The following SLC7A8 variants were observed in gnomAD, a reference collection of about 807,000 sequenced individuals.
SLC7A8 encodes large neutral amino acids transporter small subunit 2.
SLC7A8 carries 30 observed loss-of-function variants against 51.2 expected under a neutral mutation model. The observed-to-expected ratio is 0.59, with a 90% CI of 0.44 to 0.80. The LOEUF (loss-of-function observed/expected upper bound fraction) is 0.80, where lower values mean the gene tolerates loss of function less well. Ranked by LOEUF, SLC7A8 falls within the 30% of genes least tolerant of loss-of-function variation. The pLI is 0.00. For missense variants in SLC7A8, 612 were observed against 674.4 expected (o/e 0.91, Z 1.03); for synonymous variants, 257 against 275.8 (o/e 0.93, Z 0.67).
At chr14:23,181,316 AAG>A (rs1164620081) in intron 1 of SLC7A8, among the ~76,000 whole-genome samples, 2 of 152,192 alleles carry the variant, frequency 1.3e-5, no homozygotes, top group African/African-American at 2.4e-5. Context: ...AGAAAAAGTA[AAG>A]AGAGATTCAG....
At chr14:23,129,103 T>C (rs1566353846) in intron 9 of SLC7A8, among the ~76,000 whole-genome samples, 1 of 152,224 alleles carries the variant, frequency 6.6e-6, no homozygotes. Context: ...GAGTTATATC[T>C]TGTAGCAATA....
intron 8 of SLC7A8, 24 bp downstream of exon 8, chr14:23,131,437 A>G (rs903992343): frequency 1.3e-6 from 2 of 1,539,314 alleles, no homozygotes; most frequent in Non-Finnish European, 8.8e-7. Flanking sequence ...GTGTGTGGAG[A>G]GTTACAGCAG....
intron 3 of SLC7A8, among the ~76,000 whole-genome samples, chr14:23,153,398 C>T (rs1003427311): frequency 6.6e-6 from 1 of 152,188 alleles, no homozygotes; most frequent in African/African-American, 2.4e-5. Context: ...CTTCATTATA[C>T]ACAGATCACT....
chr14:23,145,230 TA>T (rs1389058602), intron 3 of SLC7A8, among the ~76,000 whole-genome samples: 2 of 150,928 alleles, frequency 1.3e-5, no homozygotes, highest in East Asian at 2.0e-4. Flanking sequence ...TTCTTTGTAT[TA>T]AAATGACCTG....
chr14:23,162,005 T>C (rs897709426), intron 3 of SLC7A8, among the ~76,000 whole-genome samples: 2 of 147,430 alleles, frequency 1.4e-5, no homozygotes, highest in African/African-American at 5.1e-5. Context: ...TATGAGAGGA[T>C]TGGATGCTTA....
chr14:23,134,530 G>T (rs1430382342), intron 7 of SLC7A8, among the ~76,000 whole-genome samples: 4 of 144,812 alleles, frequency 2.8e-5, no homozygotes, highest in Non-Finnish European at 6.1e-5. Flanking sequence ...TCAGAATAAA[G>T]ATTTTTTAAC....
At chr14:23,148,637 C>G (rs1323112842) in intron 3 of SLC7A8, among the ~76,000 whole-genome samples, 1 of 152,196 alleles carries the variant, frequency 6.6e-6, no homozygotes, top group African/African-American at 2.4e-5. Flanking sequence ...TATAAAAAGA[C>G]ATGTGATCAT....
At chr14:23,143,348 AC>A in intron 3 of SLC7A8, 144 bp from the exon 4 acceptor site, 1 of 1,159,008 alleles carries the variant, frequency 8.6e-7, no homozygotes, top group Non-Finnish European at 1.2e-6. Context: ...AACCCCAGGG[AC>A]CAGAGACTTT....
At chr14:23,167,695 C>T (rs2140336207) in intron 1 of SLC7A8, among the ~76,000 whole-genome samples, 1 of 152,260 alleles carries the variant, frequency 6.6e-6, no homozygotes, top group African/African-American at 2.4e-5. Flanking sequence ...AGTGCTGCTT[C>T]ATGCTCTGCC....
At chr14:23,149,835 TTC>T (rs578104528) in intron 3 of SLC7A8, among the ~76,000 whole-genome samples, 144 of 152,366 alleles carry the variant, frequency 9.5e-4, no homozygotes, top group Non-Finnish European at 1.7e-3. Context: ...ACTGTATCTT[TTC>T]TCTGTTTAGA....
chr14:23,158,127 G>C (rs1472165618), intron 3 of SLC7A8, among the ~76,000 whole-genome samples: 1 of 152,168 alleles, frequency 6.6e-6, no homozygotes, highest in Non-Finnish European at 1.5e-5. Context: ...GTTTATTGTT[G>C]TCTCCCCCGT....
At chr14:23,166,906 G>A (rs978288319) in intron 1 of SLC7A8, among the ~76,000 whole-genome samples, 1 of 152,118 alleles carries the variant, frequency 6.6e-6, no homozygotes, top group Non-Finnish European at 1.5e-5. Flanking sequence ...TGAATCTCAG[G>A]ACCCTCCAGC....
At chr14:23,157,446 T>C (rs1371596628) in intron 3 of SLC7A8, among the ~76,000 whole-genome samples, 1 of 152,244 alleles carries the variant, frequency 6.6e-6, no homozygotes, top group East Asian at 1.9e-4. Flanking sequence ...AATACAGATA[T>C]GATCATGTCG....
At chr14:23,152,645 G>A (rs1480994606) in intron 3 of SLC7A8, among the ~76,000 whole-genome samples, 1 of 152,100 alleles carries the variant, frequency 6.6e-6, no homozygotes, top group Non-Finnish European at 1.5e-5. Context: ...GAACTCCTGG[G>A]CTCAAGTGAG....
At chr14:23,157,476 T>C (rs2048900148) in intron 3 of SLC7A8, among the ~76,000 whole-genome samples, 1 of 152,206 alleles carries the variant, frequency 6.6e-6, no homozygotes, top group Non-Finnish European at 1.5e-5. Flanking sequence ...CTGAAACCCT[T>C]CAAACCTCAT....
rs1025598673 is a variant in SLC7A8 at position 23,140,385 on chromosome 14, G to C, written c.788+86C>G. On this transcript the variant is annotated intron_variant, in intron 5 of 10. Transcript: ENST00000316902. Reference sequence around the variant, plus strand: ...AGAATGGGGCTTTGGAAGGCGAGGTGGGCAATGGACACCTGCTCCCTCTTT... The same window carrying C: ...AGAATGGGGCTTTGGAAGGCGAGGTCGGCAATGGACACCTGCTCCCTCTTT... The C allele has an allele frequency of 4.7e-5, 65 of 1,370,900 alleles. No individual in the cohort carries two copies. The African/African-American group carries it at 8.6e-4, about 18-fold the overall frequency. The allele number at this position is 1,370,900 out of a possible 1,614,324, so 84.9% of individuals were successfully genotyped here. A position where few individuals can be genotyped will look rare whatever the true frequency, so the allele number is the denominator to read the frequency against.
rs974131774 is a variant in SLC7A8 at position 23,139,640 on chromosome 14, C to T, written c.789-93G>A. On this transcript the variant is annotated intron_variant, in intron 5 of 10. Coordinates refer to ENST00000316902, the MANE Select transcript of SLC7A8 (RefSeq NM_012244.4). ...GGGGTGTCTTCTGTCTTTCTGCATG[C>T]GTGTAGCCTTACAGCCTTCTGTGAG... 2.5e-5 allele frequency: 36 copies of T among 1,452,398 alleles called. No individual in the cohort carries two copies. In the Admixed American group the frequency reaches 7.2e-4, roughly 29 times the overall value. The allele number at this position is 1,452,398 out of a possible 1,614,324, so 90.0% of individuals were successfully genotyped here. A position where few individuals can be genotyped will look rare whatever the true frequency, so the allele number is the denominator to read the frequency against.
In SLC7A8 at chr14:23,182,862, C is replaced by T. The variant is rs748140717; in HGVS notation, c.53G>A (p.Gly18Glu). ...RNNTEKKHPG[G>E]GESDASPEAG... is the part of the protein sequence containing the mutation. ...CTCGGGGCTGGCGTCCGACTCGCCC[C>T]CACCTGGGTGTTTCTTTTCGGTGTT... The change falls in exon 1 of 11, where the codon GGG becomes GAG. Residue 18 changes from glycine (G) to glutamate (E), a missense_variant. Gly to Glu is a moderately conservative substitution (Grantham distance 98, BLOSUM62 -2). Coordinates refer to ENST00000316902, the MANE Select transcript of SLC7A8 (RefSeq NM_012244.4). The T allele has an allele frequency of 1.4e-5, 23 of 1,614,156 alleles. No homozygotes were observed. In the East Asian group the frequency reaches 2.7e-4, roughly 19 times the overall value.
At position 23,143,057 on chromosome 14, in the gene SLC7A8, CTGTTTTTCCTG is replaced by C. The variant is rs749713260; in HGVS notation, c.634+11_634+21del. The C allele has an allele frequency of 1.2e-6, 2 of 1,613,062 alleles. No individual in the cohort carries two copies. Among genetic ancestry groups the C allele is most frequent in the South Asian group, 2.2e-5 (2 of 91,048 alleles). ...CAAGGGGAGGAAAGCTGGGCAGTAC[CTGTTTTTCCTG>C]CGATACTCACCTTTGCATATCTGTA... On this transcript the variant is annotated intron_variant, in intron 4 of 10. Transcript: ENST00000316902.
Sources: gnomAD v4.1 joint callset for allele counts (sites outside exome capture counted in the v4.1 genomes callset) on GRCh38, gnomAD v4.1.1 for gene constraint, MANE v1.5 for transcripts, NCBI Gene and HGNC (gene_info 2026-07-23, HGNC 2026-07-21) for gene names.